Variants in SLC35F4 observed in about 807,000 individuals in gnomAD.
SLC35F4 encodes chromosome 14 open reading frame 36.
SLC35F4 carries 24 observed loss-of-function variants against 44.2 expected under a neutral mutation model. That is an observed-to-expected ratio of 0.54 (90% CI 0.39 to 0.76). The LOEUF is 0.76. SLC35F4 is among the 30% of genes least tolerant of loss of function. The probability of loss-of-function intolerance (pLI) is 0.00; values close to 1 mark genes in which losing one functional copy is unlikely to be tolerated. For synonymous variants in SLC35F4, 238 were observed against 223.6 expected (o/e 1.06, Z -0.57); for missense variants, 562 against 586.1 (o/e 0.96, Z 0.42).
intron 1 of SLC35F4, among the ~76,000 whole-genome samples, chr14:57,945,034 G>A (rs952779984): frequency 3.9e-5 from 6 of 152,126 alleles, no homozygotes; most frequent in African/African-American, 9.7e-5. Context: ...TTATGTAATC[G>A]TCCTCATTTT....
At chr14:57,591,519 C>A (rs1168357491) in intron 2 of SLC35F4, among the ~76,000 whole-genome samples, 1 of 152,206 alleles carries the variant, frequency 6.6e-6, no homozygotes, top group Non-Finnish European at 1.5e-5. Context: ...GAAAGGAACA[C>A]AAACCTGACT....
chr14:57,907,927 C>T (rs757843613), intron 1 of SLC35F4, among the ~76,000 whole-genome samples: 2 of 151,578 alleles, frequency 1.3e-5, no homozygotes, highest in Non-Finnish European at 3.0e-5. Flanking sequence ...GACCCGTCCT[C>T]TAAGTTCCCT....
intron 1 of SLC35F4, among the ~76,000 whole-genome samples, chr14:57,912,262 T>C (rs972500889): frequency 3.9e-5 from 6 of 152,048 alleles, no homozygotes; most frequent in Middle Eastern, 3.4e-3. Context: ...CTAATTTCTG[T>C]TCTAATCTTT....
chr14:57,677,366 T>C (rs922178390), intron 1 of SLC35F4, among the ~76,000 whole-genome samples: 4 of 151,576 alleles, frequency 2.6e-5, no homozygotes, highest in African/African-American at 7.3e-5. Flanking sequence ...AAAGACCTTA[T>C]CCATGTAACC....
chr14:57,592,316 AGG>A (rs2070240775), intron 2 of SLC35F4, among the ~76,000 whole-genome samples: 2 of 152,216 alleles, frequency 1.3e-5, no homozygotes, highest in Admixed American at 6.5e-5. Context: ...GCTATCTCAT[AGG>A]ATTTATTTTG....
chr14:57,620,730 G>A (rs1695860885), intron 1 of SLC35F4, among the ~76,000 whole-genome samples: 1 of 152,164 alleles, frequency 6.6e-6, no homozygotes, highest in African/African-American at 2.4e-5. Flanking sequence ...TTTTTAGCAT[G>A]AAGGGTTGTT....
At chr14:57,835,150 C>T (rs944590166) in intron 1 of SLC35F4, among the ~76,000 whole-genome samples, 1 of 152,216 alleles carries the variant, frequency 6.6e-6, no homozygotes, top group Admixed American at 6.5e-5. Flanking sequence ...ATTCACTGTG[C>T]CCATGGGGCA....
intron 1 of SLC35F4, among the ~76,000 whole-genome samples, chr14:57,872,248 C>G (rs1888308916): frequency 6.6e-6 from 1 of 152,074 alleles, no homozygotes; most frequent in Non-Finnish European, 1.5e-5. Flanking sequence ...TTTATTTCAT[C>G]ATTATTTTCA....
chr14:57,664,923 G>A (rs2074257913), intron 1 of SLC35F4, among the ~76,000 whole-genome samples: 1 of 152,118 alleles, frequency 6.6e-6, no homozygotes, highest in Admixed American at 6.6e-5. Context: ...ACCAAGCAAT[G>A]AGAGTAAAAA....
At chr14:57,627,961 C>G (rs1214661091) in intron 1 of SLC35F4, among the ~76,000 whole-genome samples, 1 of 152,056 alleles carries the variant, frequency 6.6e-6, no homozygotes, top group Non-Finnish European at 1.5e-5. Context: ...GGAATGTCCA[C>G]TAGGCTGATA....
chr14:57,666,498 T>C (rs919999641), intron 1 of SLC35F4, among the ~76,000 whole-genome samples: 1 of 152,222 alleles, frequency 6.6e-6, no homozygotes, highest in East Asian at 1.9e-4. Context: ...CCAGATGAGG[T>C]GAGGATACTG....
downstream of SLC35F4, among the ~76,000 whole-genome samples, chr14:57,973,909 C>T (rs145590406): frequency 7.7e-4 from 117 of 151,596 alleles, no homozygotes; most frequent in East Asian, 0.014. Flanking sequence ...CCCACCACAC[C>T]CTCTGTCATC....
chr14:57,857,364 G>A (rs1887212164), intron 1 of SLC35F4, among the ~76,000 whole-genome samples: 1 of 151,944 alleles, frequency 6.6e-6, no homozygotes, highest in African/African-American at 2.4e-5. Context: ...GTTACAACCA[G>A]GCAGGTAAAA....
At chr14:57,877,674 C>CTTTTTTTTTTTTTT (rs139397949) in intron 1 of SLC35F4, among the ~76,000 whole-genome samples, 19 of 52,440 alleles carry the variant, frequency 3.6e-4, no homozygotes, top group Non-Finnish European at 5.5e-4. Flanking sequence ...TATTTTTTGA[C>CTTTTTTTTTTTTTT]TTTTTTTTTT....
intron 1 of SLC35F4, among the ~76,000 whole-genome samples, chr14:57,813,222 C>A (rs548877058): frequency 6.6e-6 from 1 of 152,342 alleles, no homozygotes; most frequent in South Asian, 2.1e-4. Flanking sequence ...CAACACCACG[C>A]CCTACTGGGG....
chr14:57,777,897 A>G (rs1035960198), intron 1 of SLC35F4, among the ~76,000 whole-genome samples: 4 of 152,180 alleles, frequency 2.6e-5, no homozygotes, highest in Non-Finnish European at 4.4e-5. Flanking sequence ...CTCAAAAAAG[A>G]GATGGAGAAA....
chr14:57,849,173 CTGA>C (rs1886312800), intron 1 of SLC35F4, among the ~76,000 whole-genome samples: 1 of 144,236 alleles, frequency 6.9e-6, no homozygotes. Context: ...TCCAAGAATA[CTGA>C]CTAACAATTT....
intron 1 of SLC35F4, among the ~76,000 whole-genome samples, chr14:57,791,402 G>C (rs1033024021): frequency 2.0e-5 from 3 of 152,184 alleles, no homozygotes; most frequent in African/African-American, 7.2e-5. Flanking sequence ...CTGCTCATTA[G>C]ATACATGCAA....
At chr14:57,596,960 G>T in intron 1 of SLC35F4, 3 of 1,166,246 alleles carry the variant, frequency 2.6e-6, no homozygotes, top group Non-Finnish European at 3.4e-6. Flanking sequence ...CAGACCTGGA[G>T]ACGTATTCAG....
Sources: allele counts gnomAD v4.1 joint callset (sites outside exome capture counted in the v4.1 genomes callset), GRCh38; gene constraint gnomAD v4.1.1; transcripts MANE v1.5; gene names NCBI Gene and HGNC (gene_info 2026-07-23, HGNC 2026-07-21).